The following CELF6 variants were observed in gnomAD, a reference collection of about 807,000 sequenced individuals.
CELF6 encodes the protein CUGBP Elav-like family member 6.
CELF6 carries 32 observed loss-of-function variants against 53.1 expected under a neutral mutation model. That is an observed-to-expected ratio of 0.60 (90% CI 0.46 to 0.81). The LOEUF (loss-of-function observed/expected upper bound fraction) is 0.81. Among genes scored for constraint, CELF6 ranks in the 30% least tolerant of loss-of-function variants. CELF6 has a pLI of 0.00. For missense variants in CELF6, 539 were observed against 669.5 expected (o/e 0.81, Z 2.15); for synonymous variants, 291 against 288.8 (o/e 1.01, Z -0.08).
intron 2 of CELF6, among the ~76,000 whole-genome samples, chr15:72,314,843 C>G (rs1054850306): frequency 6.6e-6 from 1 of 152,078 alleles, no homozygotes; most frequent in African/African-American, 2.4e-5. Context: ...GATCTGCCCG[C>G]CTTGTCCTCC....
At chr15:72,290,364 AG>A in intron 3 of CELF6, 109 bp from the exon 4 acceptor site, 2 of 1,358,206 alleles carry the variant, frequency 1.5e-6, no homozygotes, top group Non-Finnish European at 2.0e-6. Context: ...TGGGAAGCAG[AG>A]GGAGTGAGAA....
At position 72,288,673 on chromosome 15, in the gene CELF6, G is replaced by C. The variant is rs1200018654; in HGVS notation, c.1094-55C>G. On this transcript the variant is annotated intron_variant, in intron 9 of 12. Coordinates refer to ENST00000287202, the MANE Select transcript of CELF6 (RefSeq NM_052840.5). This position sits in a 1 kb window ranked among gnomAD's most constrained non-coding sequence, Gnocchi z 4.6. ...TCCCCAGGAGCCCTTCCCCAAGCAG[G>C]GCCCCAACTGCCTGGCCGCTTTTGA... The C allele has an allele frequency of 4.0e-6, 6 of 1,508,050 alleles. No homozygotes were observed. The South Asian group carries it at 5.1e-5, about 13-fold the overall frequency. The allele number at this position is 1,508,050 out of a possible 1,614,324, so 93.4% of individuals were successfully genotyped here.
chr15:72,303,742 A>G (rs552047868), intron 3 of CELF6, among the ~76,000 whole-genome samples: 1 of 152,258 alleles, frequency 6.6e-6, no homozygotes, highest in South Asian at 2.1e-4. Context: ...GGGTGAGAAA[A>G]ACACCAAGAA....
intron 2 of CELF6, among the ~76,000 whole-genome samples, chr15:72,311,010 C>T (rs563088403): frequency 2.6e-5 from 4 of 152,126 alleles, no homozygotes; most frequent in Admixed American, 1.3e-4. Context: ...CACACTGTCC[C>T]CAAATTTTCT....
At position 72,288,938 on chromosome 15, in the gene CELF6, G is replaced by T; in HGVS notation, c.1031-8C>A. On this transcript the variant is annotated splice_polypyrimidine_tract_variant and splice_region_variant and intron_variant, in intron 8 of 12. Transcript: ENST00000287202. The surrounding 1 kb of genome is among the most constrained non-coding windows in gnomAD (Gnocchi z 4.6). The stretch of plus-strand genomic sequence containing the variant: ...CCACGCCGGGGCTCTGGGCTGGGGA[G>T]AGAGGGGCGCGAGGCCCACAGTGAA... 6.5e-7 allele frequency: 1 copy of T among 1,549,812 alleles called. No individual in the cohort carries two copies. Among genetic ancestry groups the T allele is most frequent in the Non-Finnish European group, 8.7e-7 (1 of 1,146,456 alleles).
Position 72,320,096 on chromosome 15 carries a change from C to A in CELF6, c.-222G>T. The A allele has an allele frequency of 1.5e-6, 1 of 653,446 alleles. No homozygotes were observed. The highest frequency in any genetic ancestry group is 2.1e-5 in the Admixed American group (1 of 48,194). 40.5% of individuals were successfully genotyped at this position (653,446 alleles called of 1,614,324 possible). The stretch of plus-strand genomic sequence containing the variant: ...GGGCGGGCCCGGGCCGAGGTGGCGG[C>A]TGAACGCTGGGGTCTGGCTTGAGGT... On this transcript the variant is annotated 5_prime_UTR_variant, in exon 1 of 13. Transcript: ENST00000287202.
At chr15:72,314,578 CA>C (rs1221065798) in intron 2 of CELF6, among the ~76,000 whole-genome samples, 2 of 135,682 alleles carry the variant, frequency 1.5e-5, no homozygotes, top group East Asian at 4.2e-4. Context: ...CTGTGAGACT[CA>C]AAACCCAGTG....
At chr15:72,314,045 CT>C (rs2088331830) in intron 2 of CELF6, among the ~76,000 whole-genome samples, 1 of 152,212 alleles carries the variant, frequency 6.6e-6, no homozygotes, top group African/African-American at 2.4e-5. Flanking sequence ...ACACCCAGGT[CT>C]CTCTGACTCA....
At chr15:72,315,685 G>T (rs905790572) in intron 2 of CELF6, among the ~76,000 whole-genome samples, 160 bp downstream of exon 2, 1 of 152,148 alleles carries the variant, frequency 6.6e-6, no homozygotes, top group Non-Finnish European at 1.5e-5. Flanking sequence ...ATGTAACAAA[G>T]AATTTGTTGC....
intron 12 of CELF6, among the ~76,000 whole-genome samples, chr15:72,286,777 C>T (rs1398048452): frequency 1.3e-5 from 2 of 152,232 alleles, no homozygotes; most frequent in African/African-American, 4.8e-5. Flanking sequence ...TCTCCATGTT[C>T]ACTGCCACTA....
intron 3 of CELF6, chr15:72,292,326 C>T: frequency 1.6e-6 from 2 of 1,223,432 alleles, no homozygotes; most frequent in South Asian, 2.8e-5. Context: ...TTTGCCTTGA[C>T]ATTGGAGAAT....
chr15:72,290,363 G>T, intron 3 of CELF6, 108 bp from the exon 4 acceptor site: 1 of 1,356,804 alleles, frequency 7.4e-7, no homozygotes, highest in Non-Finnish European at 9.9e-7. Context: ...CTGGGAAGCA[G>T]AGGGAGTGAG....
intron 3 of CELF6, among the ~76,000 whole-genome samples, chr15:72,299,743 T>G (rs1481698605): frequency 6.6e-6 from 1 of 152,244 alleles, no homozygotes; most frequent in Non-Finnish European, 1.5e-5. Flanking sequence ...TGCATTTTCC[T>G]TTAATAGTGT....
At chr15:72,311,291 G>A (rs1017790617) in intron 2 of CELF6, among the ~76,000 whole-genome samples, 2 of 151,426 alleles carry the variant, frequency 1.3e-5, no homozygotes, top group African/African-American at 2.4e-5. Flanking sequence ...GTGAACCACC[G>A]CACCCGGCCT....
intron 3 of CELF6, 126 bp downstream of exon 3, chr15:72,304,620 C>CT (rs1233621843): frequency 8.6e-6 from 7 of 814,806 alleles, no homozygotes; most frequent in Non-Finnish European, 1.4e-5. Flanking sequence ...CTCAGCAACT[C>CT]TGAGCCCCAC....
At chr15:72,295,948 T>TGAA (rs764780412) in intron 3 of CELF6, among the ~76,000 whole-genome samples, 3 of 152,056 alleles carry the variant, frequency 2.0e-5, no homozygotes, top group Non-Finnish European at 4.4e-5. Context: ...CCAGCAATCT[T>TGAA]GAAGAAGAAG....
Position 72,288,420 on chromosome 15 carries a change from G to A in CELF6, c.1206C>T (p.His402=). Residue 402 remains histidine (H), a synonymous_variant, in exon 11 of 13, where the codon CAC becomes CAT. Coordinates refer to ENST00000287202, the MANE Select transcript of CELF6 (RefSeq NM_052840.5). The surrounding 1 kb of genome is among the most constrained non-coding windows in gnomAD (Gnocchi z 4.6). ...GPEGCNLFIY[H]LPQEFGDAEL... is the part of the protein sequence containing the mutation. Reference sequence around the variant, plus strand: ...CCGCATCACCAAACTCCTGAGGCAGGTGATAGATGAAGAGGTTACAGCCTT... The same window carrying A: ...CCGCATCACCAAACTCCTGAGGCAGATGATAGATGAAGAGGTTACAGCCTT... 6.2e-7 allele frequency: 1 copy of A among 1,614,226 alleles called. No homozygotes were observed. Among genetic ancestry groups the A allele is most frequent in the Non-Finnish European group, 8.5e-7 (1 of 1,180,050 alleles).
intron 12 of CELF6, among the ~76,000 whole-genome samples, chr15:72,286,938 T>G (rs1486513350): frequency 6.6e-6 from 1 of 152,170 alleles, no homozygotes; most frequent in African/African-American, 2.4e-5. Flanking sequence ...TCCTGGACCC[T>G]CCCCGCATAC....
At chr15:72,301,977 C>T (rs982960196) in intron 3 of CELF6, among the ~76,000 whole-genome samples, 4 of 152,128 alleles carry the variant, frequency 2.6e-5, no homozygotes, top group Non-Finnish European at 4.4e-5. Context: ...CCTCGTGATC[C>T]GCCCGCCTCG....
Sources: allele counts gnomAD v4.1 joint callset (sites outside exome capture counted in the v4.1 genomes callset), GRCh38; gene constraint gnomAD v4.1.1; non-coding constraint Gnocchi (gnomAD v3.1); transcripts MANE v1.5; gene names NCBI Gene and HGNC (gene_info 2026-07-23, HGNC 2026-07-21).